Variants in PLEKHA5 observed in about 807,000 individuals in gnomAD.
PLEKHA5 encodes pleckstrin homology domain-containing family A member 5.
In PLEKHA5, 55 loss-of-function variants were observed where a neutral mutation model predicts 181.9. The ratio of observed to expected loss-of-function variants is 0.30; its 90% CI spans 0.24 to 0.38. The LOEUF (loss-of-function observed/expected upper bound fraction) is 0.38. Ranked by LOEUF, PLEKHA5 falls within the 10% of genes least tolerant of loss-of-function variation. The pLI, the probability that PLEKHA5 is intolerant of heterozygous loss-of-function variation, is 1.00. For missense variants in PLEKHA5, 1,432 were observed against 1,549.5 expected (o/e 0.92, Z 1.27); for synonymous variants, 535 against 529.4 (o/e 1.01, Z -0.15).
chr12:19,318,917 T>C (rs2089916120), intron 16 of PLEKHA5, among the ~76,000 whole-genome samples: 1 of 152,328 alleles, frequency 6.6e-6, no homozygotes, highest in Middle Eastern at 3.4e-3. Context: ...AGACTCCATC[T>C]CAAAAAATAA....
Position 19,375,788 on chromosome 12 carries a change from C to G in PLEKHA5, c.*269C>G, listed in dbSNP as rs1223454034. ...ATTTCAGAGCACATAAGTAAAGGTG[C>G]TTTTTAATGTGCAGTCTATTTCCAG... On this transcript the variant is annotated 3_prime_UTR_variant, in exon 32 of 32. Transcript: ENST00000429027. The G allele has an allele frequency of 6.6e-6, 1 of 152,526 alleles. No homozygotes were observed. Among genetic ancestry groups the G allele is most frequent in the Non-Finnish European group, 1.5e-5 (1 of 68,032 alleles). 9.4% of individuals were successfully genotyped at this position (152,526 alleles called of 1,614,324 possible).
intron 4 of PLEKHA5, among the ~76,000 whole-genome samples, 167 bp from the exon 5 acceptor site, chr12:19,254,878 G>A (rs542826794): frequency 7.9e-5 from 12 of 152,286 alleles, no homozygotes; most frequent in South Asian, 4.1e-4. Flanking sequence ...TAGGAAAAGC[G>A]TTAGCTGTAT....
chr12:19,277,165 A>G (rs2074804511), intron 11 of PLEKHA5, among the ~76,000 whole-genome samples: 1 of 152,182 alleles, frequency 6.6e-6, no homozygotes, highest in South Asian at 2.1e-4. Context: ...GGGGAAAAAA[A>G]TGAAAGGATG....
At chr12:19,177,024 C>A (rs1053307264) in intron 3 of PLEKHA5, among the ~76,000 whole-genome samples, 1 of 152,042 alleles carries the variant, frequency 6.6e-6, no homozygotes, top group Admixed American at 6.6e-5. Flanking sequence ...CGCACCACCA[C>A]ACCCAGCTAA....
chr12:19,187,462 C>A (rs959568219), intron 3 of PLEKHA5, among the ~76,000 whole-genome samples: 1 of 152,090 alleles, frequency 6.6e-6, no homozygotes, highest in African/African-American at 2.4e-5. Flanking sequence ...TTGTCTGGGG[C>A]TAGAGGAACT....
At chr12:19,305,871 A>AC (rs1325094243) in intron 15 of PLEKHA5, among the ~76,000 whole-genome samples, 1 of 133,754 alleles carries the variant, frequency 7.5e-6, no homozygotes, top group African/African-American at 2.9e-5. Flanking sequence ...CAAAAAAAAA[A>AC]AAAAAAAAAA....
chr12:19,260,093 C>T (rs1247566890), intron 6 of PLEKHA5, among the ~76,000 whole-genome samples: 1 of 151,756 alleles, frequency 6.6e-6, no homozygotes, highest in African/African-American at 2.4e-5. Flanking sequence ...AACTAAATTA[C>T]TTAGAAATAG....
At chr12:19,315,876 G>C (rs1254624255) in intron 16 of PLEKHA5, among the ~76,000 whole-genome samples, 1 of 151,626 alleles carries the variant, frequency 6.6e-6, no homozygotes, top group Non-Finnish European at 1.5e-5. Context: ...TTGATCAGAG[G>C]GTGACTTATA....
chr12:19,365,181 C>G (rs1403103604), intron 29 of PLEKHA5, among the ~76,000 whole-genome samples: 1 of 151,888 alleles, frequency 6.6e-6, no homozygotes, highest in African/African-American at 2.4e-5. Context: ...ACCATCCTGG[C>G]TAACACGGTG....
At chr12:19,246,239 A>G (rs944601686) in intron 3 of PLEKHA5, among the ~76,000 whole-genome samples, 3 of 151,604 alleles carry the variant, frequency 2.0e-5, no homozygotes, top group African/African-American at 7.3e-5. Flanking sequence ...TGGCCTCCCA[A>G]AGTGCTGGGA....
Position 19,167,770 on chromosome 12 carries a change from T to G in PLEKHA5, c.227+35320T>G, listed in dbSNP as rs139143567. On this transcript the variant is annotated intron_variant, in intron 3 of 31. Coordinates refer to ENST00000429027, the MANE Select transcript of PLEKHA5 (RefSeq NM_001256470.2). ...ATATAAATAAACATAAAATTACAAC[T>G]ATGATCAGCTTGGTGAAGGAGAAGA... Among the ~76,000 whole-genome samples, 625 of 152,180 alleles carry G rather than the reference T, an allele frequency of 4.1e-3. 3 individuals are homozygous for G. Among genetic ancestry groups the G allele is most frequent in the Non-Finnish European group, 6.8e-3 (460 of 68,006 alleles).
At chr12:19,211,869 GGAGGTACT>G (rs1447641304) in intron 3 of PLEKHA5, among the ~76,000 whole-genome samples, 1 of 151,970 alleles carries the variant, frequency 6.6e-6, no homozygotes, top group African/African-American at 2.4e-5. Flanking sequence ...GTTTAAAGCA[GGAGGTACT>G]GCCTTATCAT....
intron 3 of PLEKHA5, among the ~76,000 whole-genome samples, chr12:19,243,661 C>G (rs956854303): frequency 6.6e-6 from 1 of 152,100 alleles, no homozygotes; most frequent in East Asian, 1.9e-4. Context: ...GTAAATGAAA[C>G]ATTGAGGTTT....
intron 20 of PLEKHA5, among the ~76,000 whole-genome samples, chr12:19,331,652 G>T (rs933659401): frequency 6.6e-6 from 1 of 152,056 alleles, no homozygotes; most frequent in East Asian, 1.9e-4. Context: ...GCCAAGTCTT[G>T]TCTCAGTACA....
At chr12:19,210,912 A>G (rs1214391408) in intron 3 of PLEKHA5, among the ~76,000 whole-genome samples, 2 of 148,266 alleles carry the variant, frequency 1.3e-5, no homozygotes, top group African/African-American at 2.5e-5. Flanking sequence ...TAAGGAAACA[A>G]TTTTTTTTTT....
At chr12:19,198,141 C>G (rs2053378375) in intron 3 of PLEKHA5, among the ~76,000 whole-genome samples, 1 of 152,186 alleles carries the variant, frequency 6.6e-6, no homozygotes, top group African/African-American at 2.4e-5. Flanking sequence ...TAGCTAGATT[C>G]ATTTTCTTAA....
At chr12:19,257,122 T>C (rs1478391027) in intron 5 of PLEKHA5, among the ~76,000 whole-genome samples, 4 of 152,178 alleles carry the variant, frequency 2.6e-5, no homozygotes, top group South Asian at 2.1e-4. Flanking sequence ...TCAAGATCTA[T>C]TCATTTTATA....
intron 3 of PLEKHA5, among the ~76,000 whole-genome samples, chr12:19,185,455 G>A (rs1051392305): frequency 5.3e-5 from 8 of 152,174 alleles, no homozygotes; most frequent in East Asian, 1.9e-4. Flanking sequence ...GTCCTCATGG[G>A]GCAATAACAG....
At chr12:19,268,201 C>G (rs1376383163) in intron 8 of PLEKHA5, among the ~76,000 whole-genome samples, 1 of 152,082 alleles carries the variant, frequency 6.6e-6, no homozygotes, top group Non-Finnish European at 1.5e-5. Flanking sequence ...AAAGTTAACA[C>G]TTTGAAAATT....
Sources: allele counts gnomAD v4.1 joint callset (sites outside exome capture counted in the v4.1 genomes callset), GRCh38; gene constraint gnomAD v4.1.1; transcripts MANE v1.5; gene names NCBI Gene and HGNC (gene_info 2026-07-23, HGNC 2026-07-21).